The following FOXN3 variants were observed in gnomAD, a reference collection of about 807,000 sequenced individuals.
FOXN3 encodes the protein forkhead box N3, also known as forkhead box protein N3.
FOXN3 carries 7 observed loss-of-function variants against 38.4 expected under a neutral mutation model. The observed-to-expected ratio is 0.18, with a 90% CI of 0.10 to 0.34. The LOEUF is 0.34. Among genes scored for constraint, FOXN3 ranks in the 10% least tolerant of loss-of-function variants. FOXN3 has a pLI of 1.00. For missense variants in FOXN3, 456 were observed against 613.4 expected, an observed-to-expected ratio of 0.74 and a Z score of 2.71; for synonymous variants, 230 against 242.2, an observed-to-expected ratio of 0.95 and a Z score of 0.47.
intron 1 of FOXN3, among the ~76,000 whole-genome samples, chr14:89,505,565 G>A (rs1421322221): frequency 6.6e-6 from 1 of 152,058 alleles, no homozygotes; most frequent in Admixed American, 6.5e-5. Flanking sequence ...ACGGAGTTGC[G>A]TTCACTCAGT....
chr14:89,277,112 AC>A (rs1198749532), intron 4 of FOXN3, among the ~76,000 whole-genome samples: 1 of 152,204 alleles, frequency 6.6e-6, no homozygotes, highest in Non-Finnish European at 1.5e-5. Flanking sequence ...GGGGAGGGGG[AC>A]AGGGAGTTTG....
At chr14:89,441,587 G>C (rs1424148518) in intron 1 of FOXN3, among the ~76,000 whole-genome samples, 1 of 152,150 alleles carries the variant, frequency 6.6e-6, no homozygotes, top group Non-Finnish European at 1.5e-5. Flanking sequence ...CTACTAGCTG[G>C]AACAGAAAGG....
intron 2 of FOXN3, among the ~76,000 whole-genome samples, chr14:89,385,031 T>C (rs976604139): frequency 1.8e-4 from 28 of 152,212 alleles, no homozygotes; most frequent in African/African-American, 4.6e-4. Context: ...AATTATGGAA[T>C]CTGCCGAGTT....
intron 1 of FOXN3, among the ~76,000 whole-genome samples, chr14:89,524,474 G>A (rs1481869459): frequency 2.1e-5 from 3 of 142,320 alleles, no homozygotes; most frequent in South Asian, 2.4e-4. Flanking sequence ...ATAATAGAAT[G>A]GAAATAAATA....
At chr14:89,285,103 G>A (rs922463107) in intron 3 of FOXN3, among the ~76,000 whole-genome samples, 13 of 152,172 alleles carry the variant, frequency 8.5e-5, no homozygotes, top group African/African-American at 3.1e-4. Context: ...GACCCTGGAA[G>A]GTTCCGCCAA....
chr14:89,200,894 C>T (rs190077092), intron 4 of FOXN3, among the ~76,000 whole-genome samples: 95 of 152,300 alleles, frequency 6.2e-4, no homozygotes, highest in African/African-American at 2.2e-3. Context: ...TAGGAAAAAA[C>T]TCAAAGAACC....
intron 3 of FOXN3, among the ~76,000 whole-genome samples, chr14:89,281,729 AAGCC>A (rs1473646591): frequency 6.6e-6 from 1 of 152,212 alleles, no homozygotes; most frequent in Non-Finnish European, 1.5e-5. Context: ...CTTTATAACC[AAGCC>A]AGCCTTAGTA....
At chr14:89,372,427 A>G (rs1890346129) in intron 2 of FOXN3, among the ~76,000 whole-genome samples, 1 of 152,242 alleles carries the variant, frequency 6.6e-6, no homozygotes, top group South Asian at 2.1e-4. Context: ...ACGCACATAA[A>G]AATTGCAAAT....
intron 1 of FOXN3, among the ~76,000 whole-genome samples, chr14:89,530,985 A>G (rs1345678091): frequency 6.8e-6 from 1 of 147,792 alleles, no homozygotes; most frequent in Non-Finnish European, 1.5e-5. Flanking sequence ...ATACATATAT[A>G]TCTACACATA....
intron 1 of FOXN3, among the ~76,000 whole-genome samples, chr14:89,453,723 G>C (rs1406170940): frequency 1.3e-5 from 2 of 152,160 alleles, no homozygotes; most frequent in African/African-American, 4.8e-5. Context: ...TGAAGAAATA[G>C]GCACTCTTGT....
rs563356977 is a variant in FOXN3 at position 89,280,944 on chromosome 14, A to T, written c.745+6T>A. On this transcript the variant is annotated splice_donor_region_variant and intron_variant, in intron 4 of 5. Transcript: ENST00000557258. ...GGGAGAGGAAGGGGTGTTACTAGGG[A>T]CCTACCTTGGAGAAGGGCTCCATTT... The T allele has an allele frequency of 9.9e-6, 16 of 1,612,922 alleles. No individual in the cohort carries two copies. The highest frequency in any genetic ancestry group is 4.0e-5 in the African/African-American group (3 of 74,966).
intron 1 of FOXN3, among the ~76,000 whole-genome samples, chr14:89,444,481 G>GAA (rs1892453977): frequency 6.6e-6 from 1 of 151,530 alleles, no homozygotes; most frequent in East Asian, 2.0e-4. Context: ...CTTTCAAGAG[G>GAA]TATAGGTTTA....
At chr14:89,385,194 C>T (rs1375323469) in intron 2 of FOXN3, among the ~76,000 whole-genome samples, 2 of 152,056 alleles carry the variant, frequency 1.3e-5, no homozygotes, top group African/African-American at 4.8e-5. Flanking sequence ...TTATGGCAAG[C>T]CCTATGAAAA....
chr14:89,209,129 G>A (rs553203606), intron 4 of FOXN3, among the ~76,000 whole-genome samples: 1 of 152,226 alleles, frequency 6.6e-6, no homozygotes, highest in Non-Finnish European at 1.5e-5. Flanking sequence ...ATATATGAAT[G>A]ATATAAACAA....
Position 89,360,739 on chromosome 14 carries a change from GCACCACCTCCACCACCACCTCCAC to G in FOXN3, c.544-9955_544-9932del, listed in dbSNP as rs1306062905. Among the ~76,000 whole-genome samples the G allele has an allele frequency of 2.2e-4, 14 of 65,000 alleles. No homozygotes were observed. In the East Asian group the frequency reaches 7.1e-3, roughly 33 times the overall value. The allele number at this position is 65,000 out of a possible 152,430, so 42.6% of individuals were successfully genotyped here. A position where few individuals can be genotyped will look rare whatever the true frequency, so the allele number is the denominator to read the frequency against. On this transcript the variant is annotated intron_variant, in intron 2 of 5. Coordinates refer to ENST00000557258, the MANE Select transcript of FOXN3 (RefSeq NM_005197.4). Reference sequence around the variant, plus strand: ...ACTACCTCCACCACCACCACCTCCAGCACCACCTCCACCACCACCTCCACCACTACCACCTCCACCACCACCTCC... The same window carrying G: ...ACTACCTCCACCACCACCACCTCCAGCACTACCACCTCCACCACCACCTCC...
chr14:89,526,416 G>A (rs1265358063), intron 1 of FOXN3, among the ~76,000 whole-genome samples: 1 of 152,084 alleles, frequency 6.6e-6, no homozygotes, highest in Admixed American at 6.6e-5. Context: ...CAGCAAGATT[G>A]CAAGATACAA....
intron 1 of FOXN3, among the ~76,000 whole-genome samples, chr14:89,529,481 G>A (rs777259243): frequency 4.6e-5 from 7 of 152,024 alleles, no homozygotes; most frequent in South Asian, 2.1e-4. Flanking sequence ...CTCCCCACTC[G>A]TCTTTTCTTT....
Position 89,474,297 on chromosome 14 carries a change from G to A in FOXN3, c.-14-61807C>T, listed in dbSNP as rs568343316. Among the ~76,000 whole-genome samples the A allele has an allele frequency of 6.6e-5, 10 of 152,212 alleles. No individual in the cohort carries two copies. In the South Asian group the frequency reaches 2.1e-3, roughly 32 times the overall value. On this transcript the variant is annotated intron_variant, in intron 1 of 6. Coordinates refer to the FOXN3 transcript ENST00000345097. The stretch of plus-strand genomic sequence containing the variant: ...ATAAAGTGCTTGGAAATAAACAGGG[G>A]GAAAAAGACATGACCAACCAATTGG...
chr14:89,613,250 G>A lies in FOXN3; in HGVS notation c.-15+5778C>T, dbSNP rs142579244. On this transcript the variant is annotated intron_variant, in intron 1 of 6. Coordinates refer to the FOXN3 transcript ENST00000345097. ...AAAGTGGCATCTGCAAAGGCACTGC[G>A]AAGGTACTAGGCACACATTTGGAGA... is the stretch of plus-strand genomic sequence containing the variant. Among the ~76,000 whole-genome samples, 282 of 152,066 alleles carry A rather than the reference G, an allele frequency of 1.9e-3. 1 individual carries two copies. Among genetic ancestry groups the A allele is most frequent in the African/African-American group, 6.1e-3 (251 of 41,466 alleles).
Sources: allele counts gnomAD v4.1 joint callset (sites outside exome capture counted in the v4.1 genomes callset), GRCh38; gene constraint gnomAD v4.1.1; transcripts MANE v1.5; gene names NCBI Gene and HGNC (gene_info 2026-07-23, HGNC 2026-07-21).